Variants in KHDRBS2 observed in about 807,000 individuals in gnomAD.
KHDRBS2 encodes the protein KH domain-containing, RNA-binding, signal transduction-associated protein 2.
KHDRBS2 carries 26 observed loss-of-function variants against 44.3 expected under a neutral mutation model. That is an observed-to-expected ratio of 0.59 (90% CI 0.43 to 0.81). The LOEUF (loss-of-function observed/expected upper bound fraction) is 0.81, where lower values mean the gene tolerates loss of function less well. Among genes scored for constraint, KHDRBS2 ranks in the 40% least tolerant of loss-of-function variants. The probability of loss-of-function intolerance (pLI) is 0.00; values close to 1 mark genes in which losing one functional copy is unlikely to be tolerated. For missense variants in KHDRBS2, 476 were observed against 433.1 expected (o/e 1.10, Z -0.88); for synonymous variants, 194 against 151.1 (o/e 1.28, Z -2.08).
the KHDRBS2 span, among the ~76,000 whole-genome samples, chr6:61,619,205 C>G: frequency 2.0e-5 from 3 of 151,768 alleles, no homozygotes. Context: ...GATTTTAGTA[C>G]ACCCATCACC....
intron 6 of KHDRBS2, among the ~76,000 whole-genome samples, chr6:61,838,696 C>T (rs973424852): frequency 6.6e-6 from 1 of 151,918 alleles, no homozygotes; most frequent in African/African-American, 2.4e-5. Context: ...TCTATTTTGA[C>T]CCAGCCCCAA....
chr6:62,242,588 A>T (rs776924840), intron 1 of KHDRBS2, among the ~76,000 whole-genome samples: 6 of 152,190 alleles, frequency 3.9e-5, no homozygotes, highest in Non-Finnish European at 8.8e-5. Context: ...TATTGAATTT[A>T]AAAAGGAGAA....
chr6:61,985,141 T>C (rs1408442249), intron 3 of KHDRBS2, among the ~76,000 whole-genome samples: 1 of 152,224 alleles, frequency 6.6e-6, no homozygotes, highest in Non-Finnish European at 1.5e-5. Context: ...TCAATAGCTG[T>C]ATAAATATAA....
chr6:62,097,680 T>C (rs1800919859), intron 2 of KHDRBS2, among the ~76,000 whole-genome samples: 1 of 152,080 alleles, frequency 6.6e-6, no homozygotes, highest in Non-Finnish European at 1.5e-5. Context: ...ATTCACTAAC[T>C]ACATCTTTTA....
intron 1 of KHDRBS2, among the ~76,000 whole-genome samples, chr6:62,202,927 T>G (rs1468068823): frequency 6.6e-6 from 1 of 152,134 alleles, no homozygotes; most frequent in Non-Finnish European, 1.5e-5. Flanking sequence ...GAAAAGGTCA[T>G]AGCAACTATA....
chr6:62,032,540 A>T (rs9354539), intron 3 of KHDRBS2, among the ~76,000 whole-genome samples: 87 of 149,294 alleles, frequency 5.8e-4, no homozygotes, highest in African/African-American at 1.7e-3. Context: ...ATATATATAC[A>T]TATATATTAT....
At position 61,837,947 on chromosome 6, in the gene KHDRBS2, G is replaced by A. The variant is rs527359973; in HGVS notation, c.810+56688C>T. On this transcript the variant is annotated intron_variant, in intron 6 of 8. Coordinates refer to ENST00000281156, the MANE Select transcript of KHDRBS2 (RefSeq NM_152688.4). ...AAAATATATAACTGAGAATTATCTT[G>A]AATCTTAGCAGTTGACAAAAAGATC... Among the ~76,000 whole-genome samples the A allele has an allele frequency of 3.3e-5, 5 of 152,072 alleles. No individual in the cohort carries two copies. The South Asian group carries it at 1.0e-3, about 31-fold the overall frequency.
chr6:61,583,074 G>A, the KHDRBS2 span, among the ~76,000 whole-genome samples: 1 of 151,606 alleles, frequency 6.6e-6, no homozygotes, highest in East Asian at 1.9e-4. Context: ...CACTCTCATA[G>A]GAAAATAGGA....
chr6:61,581,824 G>A, the KHDRBS2 span, among the ~76,000 whole-genome samples: 2 of 151,268 alleles, frequency 1.3e-5, no homozygotes, highest in Non-Finnish European at 3.0e-5. Context: ...TATGCAGATA[G>A]CTTTATACCC....
At chr6:62,012,576 T>G (rs1411672195) in intron 3 of KHDRBS2, among the ~76,000 whole-genome samples, 2 of 152,148 alleles carry the variant, frequency 1.3e-5, no homozygotes, top group African/African-American at 2.4e-5. Context: ...TACTTATCCT[T>G]TATATTCAAG....
chr6:62,081,013 A>G (rs1797289346), intron 2 of KHDRBS2, among the ~76,000 whole-genome samples: 1 of 152,064 alleles, frequency 6.6e-6, no homozygotes, highest in African/African-American at 2.4e-5. Context: ...ATCATTTCTT[A>G]TTAGCTTCCT....
chr6:61,984,985 T>C (rs1285535070), intron 3 of KHDRBS2, among the ~76,000 whole-genome samples: 1 of 152,198 alleles, frequency 6.6e-6, no homozygotes, highest in East Asian at 1.9e-4. Flanking sequence ...CAAAAGACTA[T>C]TGTGGTGCTC....
chr6:62,277,612 G>A (rs2150193910), intron 1 of KHDRBS2, among the ~76,000 whole-genome samples: 1 of 152,274 alleles, frequency 6.6e-6, no homozygotes, highest in African/African-American at 2.4e-5. Flanking sequence ...AAAGTGCTGG[G>A]ATTACAAGCG....
At chr6:61,607,312 C>T in the KHDRBS2 span, among the ~76,000 whole-genome samples, 6 of 150,826 alleles carry the variant, frequency 4.0e-5, no homozygotes, top group East Asian at 7.8e-4. Context: ...ACATAACATG[C>T]TAATACTGCA....
At chr6:61,962,546 A>G (rs1262182555) in intron 4 of KHDRBS2, among the ~76,000 whole-genome samples, 1 of 152,088 alleles carries the variant, frequency 6.6e-6, no homozygotes, top group Non-Finnish European at 1.5e-5. Context: ...CAACTAATAC[A>G]AAGTACAACT....
intron 2 of KHDRBS2, among the ~76,000 whole-genome samples, chr6:62,059,197 A>ATTTTTTTT (rs1562748697): frequency 3.3e-5 from 1 of 30,076 alleles, no homozygotes; most frequent in Non-Finnish European, 8.7e-5. Context: ...AAAGTTAGGA[A>ATTTTTTTT]GTTTTTTTTT....
the KHDRBS2 span, among the ~76,000 whole-genome samples, chr6:61,555,128 T>C: frequency 1.3e-5 from 2 of 152,176 alleles, no homozygotes; most frequent in African/African-American, 4.8e-5. Context: ...TCTTCCTGTC[T>C]TTCAGGAATG....
chr6:61,562,513 C>G, the KHDRBS2 span, among the ~76,000 whole-genome samples: 4,824 of 152,126 alleles, frequency 0.032, 248 homozygotes, highest in African/African-American at 0.11. Context: ...AGAGTTTTTA[C>G]TCTTTAAAAC....
At chr6:61,993,016 C>T (rs909529133) in intron 3 of KHDRBS2, among the ~76,000 whole-genome samples, 4 of 152,110 alleles carry the variant, frequency 2.6e-5, no homozygotes, top group African/African-American at 7.2e-5. Flanking sequence ...CAGTTGCTTA[C>T]CAGGAAACTG....
Sources: gnomAD v4.1 joint callset for allele counts (sites outside exome capture counted in the v4.1 genomes callset) on GRCh38, gnomAD v4.1.1 for gene constraint, MANE v1.5 for transcripts, NCBI Gene and HGNC (gene_info 2026-07-23, HGNC 2026-07-21) for gene names.